The following CHRNA2 variants were observed in gnomAD, a reference collection of about 807,000 sequenced individuals.
CHRNA2 encodes the protein neuronal acetylcholine receptor subunit alpha-2.
Under a neutral mutation model 45.5 loss-of-function variants are expected in CHRNA2, and 40 were observed. The ratio of observed to expected loss-of-function variants is 0.88; its 90% confidence interval spans 0.68 to 1.15. The LOEUF is 1.15. Ranked by LOEUF, CHRNA2 falls within the 50% of genes most tolerant of loss-of-function variation. The pLI, the probability that CHRNA2 is intolerant of heterozygous loss-of-function variation, is 0.00. For missense variants in CHRNA2, 655 were observed against 701.7 expected (o/e 0.93, Z 0.75); for synonymous variants, 301 against 296.7 (o/e 1.01, Z -0.15).
chr8:27,470,967 A>G lies in CHRNA2; in HGVS notation c.73+19T>C. On this transcript the variant is annotated intron_variant, in intron 2 of 6. Transcript: ENST00000407991. The stretch of plus-strand genomic sequence containing the variant: ...AGGCATGAGATGAAGTCTTACAATG[A>G]CAGGTGACAAACACTCACCTGCTGG... The G allele has an allele frequency of 6.2e-7, 1 of 1,611,408 alleles. No homozygotes were observed. The highest frequency in any genetic ancestry group is 8.5e-7 in the Non-Finnish European group (1 of 1,177,602).
chr8:27,472,227 T>C (rs558031982), intron 1 of CHRNA2, among the ~76,000 whole-genome samples: 105 of 152,324 alleles, frequency 6.9e-4, no homozygotes, highest in African/African-American at 2.4e-3. Context: ...TGTGAGCCAC[T>C]CTAGCAAGTT....
chr8:27,468,950 C>T lies in CHRNA2; in HGVS notation c.339+385G>A, dbSNP rs538327571. Among the ~76,000 whole-genome samples, 3 of 152,356 alleles carry T rather than the reference C, an allele frequency of 2.0e-5. 1 individual carries two copies. The South Asian group carries it at 6.2e-4, about 32-fold the overall frequency. On this transcript the variant is annotated intron_variant, in intron 4 of 6. Coordinates refer to ENST00000407991, the MANE Select transcript of CHRNA2 (RefSeq NM_000742.4). ...GGAGCCTGGGACTCGGAGTCAGGCA[C>T]AGCTGGGCCCCCTTTTCCAGCCCAG...
In CHRNA2 at chr8:27,462,993, C is replaced by T. The variant is rs751862621; in HGVS notation, c.1450G>A (p.Asp484Asn). 1 of 1,614,080 alleles carries T rather than the reference C, an allele frequency of 6.2e-7. No homozygotes were observed. Residue 484 changes from aspartate to asparagine, a missense_variant, in exon 6 of 7, where the codon GAT becomes AAT. By Grantham distance (23) the Asp-to-Asn change is conservative. Coordinates refer to ENST00000407991, the MANE Select transcript of CHRNA2 (RefSeq NM_000742.4). ...CCCCAACGCACCGAAGAGTCAGCAT[C>T]CTCAGACCGCAGGTGGTCGGCAATG... ...HYIADHLRSE[D>N]ADSSVKEDWK...
At chr8:27,469,655 A>G in intron 3 of CHRNA2, 106 bp downstream of exon 3, 2 of 1,402,886 alleles carry the variant, frequency 1.4e-6, no homozygotes, top group South Asian at 1.2e-5. Flanking sequence ...ACCCCAAGTC[A>G]CTGCTGTGCG....
At chr8:27,469,519 C>A (rs1351801413) in intron 3 of CHRNA2, 140 bp from the exon 4 acceptor site, 4 of 960,810 alleles carry the variant, frequency 4.2e-6, no homozygotes, top group Non-Finnish European at 6.5e-6. Flanking sequence ...CTGAAACCTG[C>A]CACCCTTACT....
intron 5 of CHRNA2, among the ~76,000 whole-genome samples, chr8:27,466,150 G>A (rs751333157): frequency 5.3e-5 from 8 of 152,080 alleles, no homozygotes; most frequent in South Asian, 2.1e-4. Context: ...GTGTGAGAGC[G>A]GCCAGTGTAA....
intron 5 of CHRNA2, among the ~76,000 whole-genome samples, chr8:27,466,094 G>A (rs1157942048): frequency 6.6e-6 from 1 of 152,138 alleles, no homozygotes; most frequent in Non-Finnish European, 1.5e-5. Flanking sequence ...CGACAGGGTG[G>A]GGAGTTCATG....
intron 1 of CHRNA2, among the ~76,000 whole-genome samples, chr8:27,477,846 G>C (rs1813108163): frequency 6.6e-6 from 1 of 152,106 alleles, no homozygotes; most frequent in South Asian, 2.1e-4. Flanking sequence ...GATTGCATAC[G>C]TAAAGTGCTC....
chr8:27,471,119 A>G lies in CHRNA2; in HGVS notation c.-61T>C, dbSNP rs1812870155. On this transcript the variant is annotated 5_prime_UTR_variant, in exon 2 of 7. An upstream start codon of the reference 5' UTR is lost. Coordinates refer to ENST00000407991, the MANE Select transcript of CHRNA2 (RefSeq NM_000742.4). ...TTTGCTGTGGGTTGCACCATGGACC[A>G]TGTCCCCAGCAGAGCTGCTGCTGGA... The G allele has an allele frequency of 2.0e-5, 29 of 1,476,548 alleles. No individual in the cohort carries two copies. In the South Asian group the frequency reaches 2.2e-4, roughly 11 times the overall value. 91.5% of individuals were successfully genotyped at this position (1,476,548 alleles called of 1,614,324 possible).
chr8:27,467,220 G>C lies in CHRNA2; in HGVS notation c.449+9C>G, dbSNP rs368584036. On this transcript the variant is annotated intron_variant, in intron 5 of 6. Coordinates refer to ENST00000407991, the MANE Select transcript of CHRNA2 (RefSeq NM_000742.4). ...CCCTCATCCCCCCAGGACCCCAATGGCTTCCTACTTGTTGTAGAGAACAAT... is the reference window on the plus strand; with the variant it reads ...CCCTCATCCCCCCAGGACCCCAATGCCTTCCTACTTGTTGTAGAGAACAAT... 5.0e-6 allele frequency: 8 copies of C among 1,607,450 alleles called. No individual in the cohort carries two copies. Among genetic ancestry groups the C allele is most frequent in the African/African-American group, 1.3e-5 (1 of 74,724 alleles).
rs755685493 is a variant in CHRNA2, at chr8:27,471,190, C to T, written c.-132G>A. ...ATTCTGCGAGGCTTCCTCTCACCAC[C>T]GAACCTGAGCAAGCCCAAGAAAGGG... is the stretch of plus-strand genomic sequence containing the variant. On this transcript the variant is annotated 5_prime_UTR_variant, in exon 2 of 7. Coordinates refer to ENST00000407991, the MANE Select transcript of CHRNA2 (RefSeq NM_000742.4). 2.2e-5 allele frequency: 18 copies of T among 811,896 alleles called. No individual in the cohort carries two copies. The Middle Eastern group carries it at 1.1e-3, about 50-fold the overall frequency. The allele number at this position is 811,896 out of a possible 1,614,324, so 50.3% of individuals were successfully genotyped here.
In CHRNA2 at chr8:27,469,951, C is replaced by T; in HGVS notation, c.104G>A (p.Arg35Lys). 1.2e-6 allele frequency: 2 copies of T among 1,613,960 alleles called. No individual in the cohort carries two copies. The highest frequency in any genetic ancestry group is 1.7e-6 in the Non-Finnish European group (2 of 1,180,008). Residue 35 changes from arginine (R) to lysine (K), a missense_variant, in exon 3 of 7, where the codon AGG becomes AAG. Arg to Lys is a conservative substitution (Grantham distance 26). Coordinates refer to ENST00000407991, the MANE Select transcript of CHRNA2 (RefSeq NM_000742.4). ...GGEEAKRPPP[R>K]APGDPLSSPS... ...AGAGGAGAGTGGGTCTCCAGGAGCC[C>T]TGGGAGGTGGGCGCTTAGCTTCCTC... is the stretch of plus-strand genomic sequence containing the variant.
At position 27,467,330 on chromosome 8, in the gene CHRNA2, G is replaced by T. The variant is rs779790900; in HGVS notation, c.348C>A (p.Ser116Arg). The T allele has an allele frequency of 8.7e-6, 14 of 1,609,930 alleles. No homozygotes were observed. The highest frequency in any genetic ancestry group is 2.7e-5 in the African/African-American group (2 of 74,710). ...TTNVWLKQEW[S>R]DYKLRWNPTD... is the part of the protein sequence containing the mutation. Reference sequence around the variant, plus strand: ...TGGGGTTCCAGCGCAGTTTGTAGTCGCTCCACTCCTGTGTGTGGGGAAGGA... The same window carrying T: ...TGGGGTTCCAGCGCAGTTTGTAGTCTCTCCACTCCTGTGTGTGGGGAAGGA... The change falls in exon 5 of 7, where the codon AGC (serine) becomes AGA (arginine). Residue 116 changes from serine to arginine, a missense_variant. Ser to Arg is a moderately radical substitution (Grantham distance 110, BLOSUM62 -1). Around this residue, in one of 3 missense-constraint regions of CHRNA2, gnomAD observed 323 missense variants for 354.4 expected, o/e 0.91. Transcript: ENST00000407991.
chr8:27,467,277 C>T lies in CHRNA2; in HGVS notation c.401G>A (p.Arg134Lys), dbSNP rs150112824. 52 of 1,614,106 alleles carry T rather than the reference C, an allele frequency of 3.2e-5. No homozygotes were observed. The African/African-American group carries it at 6.3e-4, about 19-fold the overall frequency. ...GATCCAGATCATCTCAGAAGGGACC[C>T]TGAGAGATGTGATGTTGCCAAAATC... ...PTDFGNITSL[R>K]VPSEMIWIPD... is the part of the protein sequence containing the mutation. The change falls in exon 5 of 7, where the codon AGG (arginine) becomes AAG (lysine). Residue 134 changes from arginine to lysine, a missense_variant. Coordinates refer to ENST00000407991, the MANE Select transcript of CHRNA2 (RefSeq NM_000742.4).
At chr8:27,470,922 C>T (rs1408411840) in intron 2 of CHRNA2, 64 bp downstream of exon 2, 4 of 1,546,966 alleles carry the variant, frequency 2.6e-6, no homozygotes, top group East Asian at 2.3e-5. Context: ...CAGACTCCTT[C>T]CTACAATTTG....
Position 27,463,069 on chromosome 8 carries a change from A to G in CHRNA2, c.1374T>C (p.Gly458=), listed in dbSNP as rs976672656. The change falls in exon 6 of 7, where the codon GGT becomes GGC. Residue 458 remains glycine, a synonymous_variant. Transcript: ENST00000407991. This position sits in a 1 kb window ranked among gnomAD's most constrained non-coding sequence, Gnocchi z 6.1. Reference sequence around the variant, plus strand: ...GCATGTGGGGTGATAGCAGCAGCTCACCCTCCTGCAGCAGAGCCTCAGCCT... The same window carrying G: ...GCATGTGGGGTGATAGCAGCAGCTCGCCCTCCTGCAGCAGAGCCTCAGCCT... The part of the protein sequence containing the change: ...GPKAEALLQE[G]ELLLSPHMQK... 3 of 1,612,404 alleles carry G rather than the reference A, an allele frequency of 1.9e-6. No individual in the cohort carries two copies.
At chr8:27,468,187 C>T (rs1812758020) in intron 4 of CHRNA2, among the ~76,000 whole-genome samples, 1 of 152,194 alleles carries the variant, frequency 6.6e-6, no homozygotes, top group Admixed American at 6.5e-5. Context: ...TGGCCTCAAA[C>T]TCCAGTACTC....
At chr8:27,473,151 C>T (rs1159582177) in intron 1 of CHRNA2, among the ~76,000 whole-genome samples, 3 of 151,872 alleles carry the variant, frequency 2.0e-5, no homozygotes, top group Admixed American at 2.0e-4. Context: ...GAAACAGCCC[C>T]CCTTATGGAG....
Position 27,463,925 on chromosome 8 carries a change from C to T in CHRNA2, c.518G>A (p.Trp173Ter), listed in dbSNP as rs1812615479. Reference sequence around the variant, plus strand: ...GCTCTTGTAGATGGCCGGGGGCACCCAGTGCACAGTGCCCGTGGAGAAGAG... The same window carrying T: ...GCTCTTGTAGATGGCCGGGGGCACCTAGTGCACAGTGCCCGTGGAGAAGAG... ...AHLFSTGTVH[W>*]VPPAIYKSSC... Residue 173 changes from tryptophan (W) to a stop codon, truncating the protein, a stop_gained, in exon 6 of 7, where the codon TGG (tryptophan) becomes TAG (stop). Transcript: ENST00000407991. LOFTEE classifies it high-confidence loss of function. This position sits in a 1 kb window ranked among gnomAD's most constrained non-coding sequence, Gnocchi z 6.1. 1 of 1,614,076 alleles carries T rather than the reference C, an allele frequency of 6.2e-7. No individual in the cohort carries two copies. Among genetic ancestry groups the T allele is most frequent in the Non-Finnish European group, 8.5e-7 (1 of 1,180,034 alleles).
Sources: gnomAD v4.1 joint callset for allele counts (sites outside exome capture counted in the v4.1 genomes callset) on GRCh38, gnomAD v4.1.1 for gene constraint, gnomAD v4.1.1 regional missense constraint, Gnocchi (gnomAD v3.1) non-coding constraint, MANE v1.5 for transcripts, NCBI Gene and HGNC (gene_info 2026-07-23, HGNC 2026-07-21) for gene names.